Variants in GRID1 observed in about 807,000 individuals in gnomAD.
GRID1 encodes the protein glutamate receptor ionotropic, delta-1.
In GRID1, 28 loss-of-function variants were observed where a neutral mutation model predicts 98.0. That is an observed-to-expected ratio of 0.29 (90% CI 0.21 to 0.39). GRID1 has a LOEUF of 0.39. Among genes scored for constraint, GRID1 ranks in the 10% least tolerant of loss-of-function variants. The pLI is 1.00. For missense variants in GRID1, 1,111 were observed against 1,340.5 expected (o/e 0.83, Z 2.67); for synonymous variants, 553 against 538.5 (o/e 1.03, Z -0.37).
intron 2 of GRID1, among the ~76,000 whole-genome samples, chr10:86,265,110 G>T (rs1847084039): frequency 6.6e-6 from 1 of 152,214 alleles, no homozygotes; most frequent in African/African-American, 2.4e-5. Context: ...TGAGCAGCTA[G>T]CCTGGCCCAG....
chr10:85,844,943 C>A (rs1842992987), intron 8 of GRID1, among the ~76,000 whole-genome samples: 3 of 151,732 alleles, frequency 2.0e-5, no homozygotes, highest in African/African-American at 7.3e-5. Context: ...AGGGAATTGT[C>A]TTAATCTGAA....
intron 12 of GRID1, among the ~76,000 whole-genome samples, chr10:85,720,833 G>A (rs773446929): frequency 6.6e-6 from 1 of 152,120 alleles, no homozygotes; most frequent in Non-Finnish European, 1.5e-5. Context: ...CATCAAAAGC[G>A]TGATTCGTGA....
At chr10:85,937,777 G>T (rs1176728979) in intron 4 of GRID1, among the ~76,000 whole-genome samples, 1 of 152,090 alleles carries the variant, frequency 6.6e-6, no homozygotes, top group Non-Finnish European at 1.5e-5. Context: ...GGTATCAAAT[G>T]GGTAGAGGTC....
At chr10:85,779,407 G>A (rs906230588) in intron 8 of GRID1, among the ~76,000 whole-genome samples, 8 of 152,114 alleles carry the variant, frequency 5.3e-5, no homozygotes, top group African/African-American at 1.9e-4. Flanking sequence ...CTACCATGTA[G>A]TGTAGGCATC....
intron 8 of GRID1, among the ~76,000 whole-genome samples, chr10:85,745,996 T>C (rs144489548): frequency 1.7e-3 from 263 of 152,282 alleles, no homozygotes; most frequent in African/African-American, 5.8e-3. Context: ...GATATGAAAA[T>C]TGGTATTGAC....
At chr10:85,870,294 T>C (rs557235396) in intron 5 of GRID1, among the ~76,000 whole-genome samples, 17 of 152,354 alleles carry the variant, frequency 1.1e-4, no homozygotes, top group Admixed American at 3.3e-4. Flanking sequence ...GTTCTTCAGC[T>C]TTTGGACTCT....
chr10:86,116,381 C>T (rs76513811), intron 4 of GRID1, among the ~76,000 whole-genome samples: 1,731 of 152,300 alleles, frequency 0.011, 15 homozygotes, highest in African/African-American at 0.025. Flanking sequence ...GGCACATACT[C>T]AAACAGCAAC....
intron 6 of GRID1, 22 bp downstream of exon 6, chr10:85,868,988 A>G (rs2131793051): frequency 6.2e-7 from 1 of 1,607,828 alleles, no homozygotes; most frequent in Non-Finnish European, 8.5e-7. Flanking sequence ...AGGGGACTGG[A>G]GAGAAGAGGC....
At chr10:86,041,507 G>T (rs1245348815) in intron 4 of GRID1, among the ~76,000 whole-genome samples, 1 of 152,168 alleles carries the variant, frequency 6.6e-6, no homozygotes, top group Non-Finnish European at 1.5e-5. Context: ...GCTTGCAGGT[G>T]CCGATGGATT....
chr10:85,918,873 G>A (rs1464331000), intron 4 of GRID1, among the ~76,000 whole-genome samples: 1 of 152,186 alleles, frequency 6.6e-6, no homozygotes, highest in Non-Finnish European at 1.5e-5. Flanking sequence ...ATTTGTGAGA[G>A]GTAAAGCTTT....
chr10:86,218,525 G>A (rs1846208215), intron 2 of GRID1, among the ~76,000 whole-genome samples: 2 of 152,148 alleles, frequency 1.3e-5, no homozygotes, highest in African/African-American at 4.8e-5. Flanking sequence ...CTGCAGCATA[G>A]CCAGCAGACT....
intron 5 of GRID1, among the ~76,000 whole-genome samples, chr10:85,913,955 G>C (rs540209073): frequency 3.9e-4 from 59 of 152,276 alleles, no homozygotes; most frequent in Non-Finnish European, 7.2e-4. Context: ...GTGCACTGCC[G>C]GGCTGGCACA....
chr10:85,981,629 C>T (rs1281478143), intron 4 of GRID1, among the ~76,000 whole-genome samples: 1 of 152,226 alleles, frequency 6.6e-6, no homozygotes, highest in African/African-American at 2.4e-5. Context: ...TTGTCTAAAG[C>T]TTCCCTTTCC....
chr10:86,338,806 C>T (rs2132108318), intron 2 of GRID1, among the ~76,000 whole-genome samples: 1 of 152,296 alleles, frequency 6.6e-6, no homozygotes, highest in East Asian at 1.9e-4. Context: ...GATCCGCCTG[C>T]CTCGGCCTCC....
chr10:85,868,088 A>G (rs2131792243), intron 6 of GRID1, among the ~76,000 whole-genome samples: 1 of 152,280 alleles, frequency 6.6e-6, no homozygotes, highest in South Asian at 2.1e-4. Context: ...CTGCAACCCC[A>G]ATTTCTAACC....
chr10:86,277,890 A>C (rs1847296513), intron 2 of GRID1, among the ~76,000 whole-genome samples: 1 of 152,178 alleles, frequency 6.6e-6, no homozygotes, highest in African/African-American at 2.4e-5. Context: ...GGGTTAAACT[A>C]TAAATAGTAA....
chr10:86,017,090 A>C (rs1233752624), intron 4 of GRID1, among the ~76,000 whole-genome samples: 1 of 152,220 alleles, frequency 6.6e-6, no homozygotes, highest in Admixed American at 6.5e-5. Flanking sequence ...GACACAAAGT[A>C]TTGGACCTGC....
chr10:85,703,628 T>G (rs947719784), intron 12 of GRID1, among the ~76,000 whole-genome samples: 2 of 152,062 alleles, frequency 1.3e-5, no homozygotes, highest in Admixed American at 1.3e-4. Context: ...TGGAGTTGCA[T>G]GTATTTTTAA....
chr10:85,667,698 C>T (rs957071398), intron 12 of GRID1, among the ~76,000 whole-genome samples: 8 of 152,172 alleles, frequency 5.3e-5, no homozygotes, highest in African/African-American at 1.9e-4. Flanking sequence ...CCCCAGTGTG[C>T]CCCCAGAACT....
Sources: gnomAD v4.1 joint callset for allele counts (sites outside exome capture counted in the v4.1 genomes callset) on GRCh38, gnomAD v4.1.1 for gene constraint, MANE v1.5 for transcripts, NCBI Gene and HGNC (gene_info 2026-07-23, HGNC 2026-07-21) for gene names.